Variants in TENM2 observed in about 807,000 individuals in gnomAD.
The protein encoded by TENM2 is teneurin-2.
A neutral mutation model predicts 245.2 loss-of-function variants in TENM2; 52 were observed. That is an observed-to-expected ratio of 0.21 (90% CI 0.17 to 0.27). The LOEUF (loss-of-function observed/expected upper bound fraction) is 0.27. Ranked by LOEUF, TENM2 falls within the 10% of genes least tolerant of loss-of-function variation. TENM2 has a pLI of 1.00. For missense variants in TENM2, 3,046 were observed against 3,666.8 expected, an observed-to-expected ratio of 0.83 and a Z score of 4.37; for synonymous variants, 1,363 against 1,438.9, an observed-to-expected ratio of 0.95 and a Z score of 1.19.
At chr5:167,020,992 A>G in the TENM2 span, among the ~76,000 whole-genome samples, 3 of 152,066 alleles carry the variant, frequency 2.0e-5, no homozygotes, top group African/African-American at 7.2e-5. Context: ...AAAATACAAA[A>G]AATTAGCTGG....
At chr5:167,538,146 G>T (rs1233754676) in intron 2 of TENM2, among the ~76,000 whole-genome samples, 1 of 152,196 alleles carries the variant, frequency 6.6e-6, no homozygotes, top group Admixed American at 6.5e-5. Context: ...TTTATGAATT[G>T]CTTCCAGGTG....
the TENM2 span, among the ~76,000 whole-genome samples, chr5:167,079,327 AT>A: frequency 6.7e-6 from 1 of 148,746 alleles, no homozygotes. Context: ...GTATATATAT[AT>A]TTGAGACAGA....
the TENM2 span, among the ~76,000 whole-genome samples, chr5:167,261,823 T>G: frequency 6.6e-6 from 1 of 152,152 alleles, no homozygotes; most frequent in Non-Finnish European, 1.5e-5. Flanking sequence ...CTCTAATTGC[T>G]CTCATTTGAA....
chr5:167,356,250 C>A (rs1033416945), intron 1 of TENM2, among the ~76,000 whole-genome samples: 10 of 143,170 alleles, frequency 7.0e-5, no homozygotes, highest in Non-Finnish European at 1.4e-4. Context: ...CAGGAAGATG[C>A]AAGAGGGTTG....
At chr5:167,732,071 T>C (rs999911336) in intron 2 of TENM2, among the ~76,000 whole-genome samples, 2 of 152,180 alleles carry the variant, frequency 1.3e-5, no homozygotes, top group Admixed American at 1.3e-4. Context: ...GTGACAACTA[T>C]TTTGACTACT....
intron 2 of TENM2, among the ~76,000 whole-genome samples, chr5:167,868,916 T>C (rs1218148396): frequency 1.3e-5 from 2 of 152,284 alleles, no homozygotes; most frequent in South Asian, 2.1e-4. Flanking sequence ...CTGGGTCCCT[T>C]GTCCCTACTG....
At chr5:167,241,976 G>C in the TENM2 span, among the ~76,000 whole-genome samples, 5 of 151,740 alleles carry the variant, frequency 3.3e-5, no homozygotes, top group African/African-American at 4.8e-5. Context: ...CTACATGAGG[G>C]CCAGGATTTT....
the TENM2 span, among the ~76,000 whole-genome samples, chr5:167,233,938 T>TA: frequency 0.2 from 30,573 of 150,766 alleles, 3,527 homozygotes; most frequent in African/African-American, 0.33. Flanking sequence ...AGGATGAAAA[T>TA]AATAAAAAAA....
At chr5:167,489,622 G>A (rs1050007008) in intron 2 of TENM2, among the ~76,000 whole-genome samples, 1 of 152,116 alleles carries the variant, frequency 6.6e-6, no homozygotes, top group Non-Finnish European at 1.5e-5. Flanking sequence ...TCTACAGTAT[G>A]CTAGTTTACT....
At chr5:168,255,788 A>C (rs893527923) in intron 27 of TENM2, among the ~76,000 whole-genome samples, 2 of 152,000 alleles carry the variant, frequency 1.3e-5, no homozygotes, top group Non-Finnish European at 2.9e-5. Flanking sequence ...GTGACATAAA[A>C]TTTATTTTTT....
the TENM2 span, among the ~76,000 whole-genome samples, chr5:167,053,145 A>G: frequency 7.9e-5 from 12 of 152,016 alleles, no homozygotes; most frequent in Admixed American, 7.9e-4. Flanking sequence ...ATCTTTCAAG[A>G]CTTGGCCATA....
At position 168,247,929 on chromosome 5, in the gene TENM2, G is replaced by T. The variant is rs114140599; in HGVS notation, c.6990G>T (p.Thr2330=). Reference sequence around the variant, plus strand: ...TCTACTCTGACCTCCACAACCCGACGCGCATCACCCATGTCTACAATCACT... The same window carrying T: ...TCTACTCTGACCTCCACAACCCGACTCGCATCACCCATGTCTACAATCACT... The change falls in exon 27 of 29, where the codon ACG becomes ACT. Residue 2330 remains threonine, a synonymous_variant. Coordinates refer to ENST00000518659, the Ensembl canonical transcript of TENM2. The surrounding 1 kb of genome is among the most constrained non-coding windows in gnomAD (Gnocchi z 7.8). 6.2e-7 allele frequency: 1 copy of T among 1,613,870 alleles called. No homozygotes were observed. The highest frequency in any genetic ancestry group is 2.2e-5 in the East Asian group (1 of 44,880).
chr5:167,286,088 A>G (rs1193495748), intron 1 of TENM2, among the ~76,000 whole-genome samples: 1 of 152,226 alleles, frequency 6.6e-6, no homozygotes, highest in East Asian at 1.9e-4. Flanking sequence ...AATTAGCACT[A>G]TGCCCACGGT....
At chr5:167,418,074 A>G (rs1451837269) in intron 2 of TENM2, among the ~76,000 whole-genome samples, 1 of 152,222 alleles carries the variant, frequency 6.6e-6, no homozygotes, top group Non-Finnish European at 1.5e-5. Flanking sequence ...TCACGCCTGT[A>G]ATCCCAGCAC....
chr5:167,907,571 A>G lies in TENM2; in HGVS notation c.712+31376A>G, dbSNP rs1179007978. On this transcript the variant is annotated intron_variant, in intron 3 of 28. Coordinates refer to ENST00000518659, the Ensembl canonical transcript of TENM2. ...TATATATATATATATATATATATAT[A>G]TGTATGTATTATCATAAATTCTTAA... Among the ~76,000 whole-genome samples, 54 of 107,780 alleles carry G rather than the reference A, an allele frequency of 5.0e-4. 1 individual carries two copies. The highest frequency in any genetic ancestry group is 1.7e-3 in the African/African-American group (52 of 30,506). The allele number at this position is 107,780 out of a possible 152,430, so 70.7% of individuals were successfully genotyped here. A position where few individuals can be genotyped will look rare whatever the true frequency, so the allele number is the denominator to read the frequency against.
intron 6 of TENM2, among the ~76,000 whole-genome samples, chr5:168,054,618 G>C (rs1789385816): frequency 6.6e-6 from 1 of 152,162 alleles, no homozygotes; most frequent in Admixed American, 6.5e-5. Context: ...TTTATCACTT[G>C]TTTGGGGAAT....
At chr5:167,060,754 T>C in the TENM2 span, among the ~76,000 whole-genome samples, 352 of 151,918 alleles carry the variant, frequency 2.3e-3, 1 homozygote, top group African/African-American at 8.2e-3. Flanking sequence ...TTAATGTAAA[T>C]ATTATTATTA....
At chr5:168,149,376 C>T (rs1048432182) in intron 12 of TENM2, 3 of 456,968 alleles carry the variant, frequency 6.6e-6, no homozygotes, top group African/African-American at 4.0e-5. Context: ...GCAACCTCAT[C>T]TGCCTGCTAG....
intron 2 of TENM2, among the ~76,000 whole-genome samples, chr5:167,775,153 A>T (rs532749974): frequency 3.8e-4 from 58 of 152,166 alleles, no homozygotes; most frequent in Non-Finnish European, 5.1e-4. Flanking sequence ...TTTTTAGTAG[A>T]GACGGGGTTT....
Sources: gnomAD v4.1 joint callset for allele counts (sites outside exome capture counted in the v4.1 genomes callset) on GRCh38, gnomAD v4.1.1 for gene constraint, Gnocchi (gnomAD v3.1) non-coding constraint, MANE v1.5 for transcripts, NCBI Gene and HGNC (gene_info 2026-07-23, HGNC 2026-07-21) for gene names.